TCEANC2: variants seen among roughly 807,000 people sequenced by gnomAD.
TCEANC2 encodes transcription elongation factor A N-terminal and central domain containing 2.
TCEANC2 carries 20 observed loss-of-function variants against 22.8 expected under a neutral mutation model. The ratio of observed to expected loss-of-function variants is 0.88; its 90% CI spans 0.62 to 1.28. The LOEUF is 1.28. TCEANC2 is among the 50% of genes most tolerant of loss of function. The pLI, the probability that TCEANC2 is intolerant of heterozygous loss-of-function variation, is 0.00. For synonymous variants in TCEANC2, 84 were observed against 95.5 expected (o/e 0.88, Z 0.70); for missense variants, 251 against 249.7 (o/e 1.01, Z -0.03).
chr1:54,062,330 T>A (rs552834464), intron 2 of TCEANC2, among the ~76,000 whole-genome samples: 1 of 152,360 alleles, frequency 6.6e-6, no homozygotes, highest in South Asian at 2.1e-4. Context: ...TCCAAATAAT[T>A]TGAGCAATCT....
At chr1:54,054,299 G>C in intron 1 of TCEANC2, 82 bp from the exon 2 acceptor site, 1 of 1,486,308 alleles carries the variant, frequency 6.7e-7, no homozygotes, top group Non-Finnish European at 9.0e-7. Context: ...TTCTTCCAGA[G>C]AACTCAATTG....
intron 3 of TCEANC2, among the ~76,000 whole-genome samples, chr1:54,081,089 C>T (rs1019862010): frequency 2.6e-5 from 4 of 152,116 alleles, no homozygotes; most frequent in South Asian, 2.1e-4. Context: ...TGTTGTTTTT[C>T]GCAAGTTACC....
intron 4 of TCEANC2, among the ~76,000 whole-genome samples, chr1:54,093,997 C>T (rs1448043204): frequency 6.6e-6 from 1 of 152,160 alleles, no homozygotes; most frequent in Non-Finnish European, 1.5e-5. Flanking sequence ...TGGTGCCAGG[C>T]CTGCCTCAGG....
At chr1:54,110,624 AAAC>A (rs1658824570), downstream of TCEANC2, among the ~76,000 whole-genome samples, 2 of 152,126 alleles carry the variant, frequency 1.3e-5, no homozygotes, top group South Asian at 2.1e-4. Flanking sequence ...AAACAAAACA[AAAC>A]AAAAAAACAA....
intron 3 of TCEANC2, among the ~76,000 whole-genome samples, chr1:54,087,457 A>G (rs1008751619): frequency 1.3e-5 from 2 of 152,186 alleles, no homozygotes; most frequent in Non-Finnish European, 2.9e-5. Context: ...TTAAAGTAGA[A>G]TCTCAGACCT....
At chr1:54,092,350 C>T (rs1473850887) in intron 4 of TCEANC2, among the ~76,000 whole-genome samples, 1 of 152,138 alleles carries the variant, frequency 6.6e-6, no homozygotes, top group East Asian at 1.9e-4. Flanking sequence ...ACATAAAGTG[C>T]AGAGCAGTTA....
At chr1:54,065,325 C>A (rs147041958) in intron 2 of TCEANC2, among the ~76,000 whole-genome samples, 2 of 152,204 alleles carry the variant, frequency 1.3e-5, no homozygotes, top group African/African-American at 4.8e-5. Context: ...GAGAAAAGTA[C>A]ATAAGGGATA....
intron 2 of TCEANC2, among the ~76,000 whole-genome samples, chr1:54,067,312 T>C (rs990035424): frequency 7.9e-5 from 12 of 152,114 alleles, no homozygotes; most frequent in African/African-American, 2.2e-4. Context: ...GGGATCCCTA[T>C]AGGGAGAGCC....
At chr1:54,058,836 T>C (rs1305666755) in intron 2 of TCEANC2, among the ~76,000 whole-genome samples, 2 of 152,124 alleles carry the variant, frequency 1.3e-5, no homozygotes, top group African/African-American at 2.4e-5. Context: ...TTTGTATTTT[T>C]AGTAGAGACG....
intron 2 of TCEANC2, among the ~76,000 whole-genome samples, chr1:54,055,826 T>A (rs1657741911): frequency 6.6e-6 from 1 of 152,186 alleles, no homozygotes; most frequent in Non-Finnish European, 1.5e-5. Flanking sequence ...TAGTAGCAAG[T>A]CAGTCCCTTC....
rs1485277681 is a variant in TCEANC2, at chr1:54,054,508, C to A, written c.86C>A (p.Thr29Lys). The A allele has an allele frequency of 6.2e-7, 1 of 1,612,990 alleles. No individual in the cohort carries two copies. The highest frequency in any genetic ancestry group is 1.7e-5 in the Admixed American group (1 of 59,806). Reference sequence around the variant, plus strand: ...GGAGGAAAGGTTTACAAGCAGGCCACGATTGAATCTCTGAAGGTGAGAGGG... The same window carrying A: ...GGAGGAAAGGTTTACAAGCAGGCCAAGATTGAATCTCTGAAGGTGAGAGGG... Reference protein sequence around the residue: ...DSGGKVYKQATIESLKRVVVV... With the variant: ...DSGGKVYKQAKIESLKRVVVV... The change falls in exon 2 of 5, where the codon ACG becomes AAG. Residue 29 changes from threonine (T) to lysine (K), a missense_variant. Physicochemically the swap from Thr to Lys is moderately conservative, Grantham distance 78. Coordinates refer to ENST00000234827, the MANE Select transcript of TCEANC2 (RefSeq NM_153035.3).
chr1:54,110,077 C>T (rs1248606722), downstream of TCEANC2, among the ~76,000 whole-genome samples: 1 of 152,170 alleles, frequency 6.6e-6, no homozygotes, highest in Non-Finnish European at 1.5e-5. Context: ...CCCCAACCAC[C>T]AGGTAGTGAA....
chr1:54,070,304 G>A (rs1199778166), intron 3 of TCEANC2, among the ~76,000 whole-genome samples: 1 of 152,136 alleles, frequency 6.6e-6, no homozygotes, highest in Non-Finnish European at 1.5e-5. Flanking sequence ...GAGGGTACTA[G>A]TGATTACTAG....
Position 54,085,276 on chromosome 1 carries a change from T to A in TCEANC2, c.245-3321T>A, listed in dbSNP as rs143039233. ...CATGACTAGTGCCCAGCATAGTATC[T>A]AGAGCAAACAGGCCTTCAATAAATG... On this transcript the variant is annotated intron_variant, in intron 3 of 4. Transcript: ENST00000234827. Among the ~76,000 whole-genome samples the A allele has an allele frequency of 2.6e-5, 4 of 152,318 alleles. No individual in the cohort carries two copies. In the East Asian group the frequency reaches 7.7e-4, roughly 29 times the overall value.
At chr1:54,083,840 G>A (rs1658289149) in intron 3 of TCEANC2, among the ~76,000 whole-genome samples, 1 of 151,824 alleles carries the variant, frequency 6.6e-6, no homozygotes, top group Admixed American at 6.6e-5. Context: ...ATTCTTTAAG[G>A]CTTTTTTCTT....
intron 4 of TCEANC2, among the ~76,000 whole-genome samples, chr1:54,089,520 C>T (rs1451464218): frequency 2.0e-5 from 3 of 152,118 alleles, no homozygotes; most frequent in Non-Finnish European, 4.4e-5. Context: ...TGTCATCAAA[C>T]AACAAATCTT....
In TCEANC2 at chr1:54,105,379, A is replaced by G. The variant is rs1658734951; in HGVS notation, c.*8906A>G. On this transcript the variant is annotated 3_prime_UTR_variant, in exon 5 of 5. Transcript: ENST00000234827. Reference sequence around the variant, plus strand: ...ATGAAGGCCTGGCCCCACTGCCTCAACTTGACAACTTGGAAGGGCCATCTC... The same window carrying G: ...ATGAAGGCCTGGCCCCACTGCCTCAGCTTGACAACTTGGAAGGGCCATCTC... 6.6e-6 allele frequency: 1 copy of G among 152,268 alleles called. No individual in the cohort carries two copies. Among genetic ancestry groups the G allele is most frequent in the Admixed American group, 6.5e-5 (1 of 15,286 alleles). The allele number at this position is 152,268 out of a possible 1,614,324, so 9.4% of individuals were successfully genotyped here.
rs1658680174 is a variant in TCEANC2 at position 54,102,566 on chromosome 1, A to G, written c.*6093A>G. ...AGCAGCAATTCCTAAGATAGAAATA[A>G]TACAACTGGGGTTGGGCATAGCAGG... is the stretch of plus-strand genomic sequence containing the variant. On this transcript the variant is annotated 3_prime_UTR_variant, in exon 5 of 5. Transcript: ENST00000234827. 6.6e-6 allele frequency: 1 copy of G among 152,256 alleles called. No individual in the cohort carries two copies. The highest frequency in any genetic ancestry group is 6.5e-5 in the Admixed American group (1 of 15,280). The allele number at this position is 152,256 out of a possible 1,614,324, so 9.4% of individuals were successfully genotyped here.
intron 3 of TCEANC2, 97 bp downstream of exon 3, chr1:54,068,994 T>C: frequency 1.6e-6 from 2 of 1,269,470 alleles, no homozygotes; most frequent in African/African-American, 3.1e-5. Flanking sequence ...TTATCTGCCT[T>C]ATCAATGCTT....
Sources: allele counts gnomAD v4.1 joint callset (sites outside exome capture counted in the v4.1 genomes callset), GRCh38; gene constraint gnomAD v4.1.1; transcripts MANE v1.5; gene names NCBI Gene and HGNC (gene_info 2026-07-23, HGNC 2026-07-21).